Variants in ADK observed in about 807,000 individuals in gnomAD.
ADK encodes adenosine kinase.
ADK carries 24 observed loss-of-function variants against 44.7 expected under a neutral mutation model. The observed-to-expected ratio is 0.54, with a 90% confidence interval of 0.39 to 0.76. ADK has a LOEUF of 0.76. Ranked by LOEUF, ADK falls within the 30% of genes least tolerant of loss-of-function variation. ADK has a pLI of 0.00. For synonymous variants in ADK, 128 were observed against 142.6 expected, an observed-to-expected ratio of 0.90 and a Z score of 0.73; for missense variants, 321 against 425.1, an observed-to-expected ratio of 0.76 and a Z score of 2.15.
intron 2 of ADK, among the ~76,000 whole-genome samples, chr10:74,209,299 T>C (rs1490647435): frequency 2.0e-5 from 3 of 152,076 alleles, no homozygotes; most frequent in Non-Finnish European, 2.9e-5. Context: ...CAAGGTTCCA[T>C]GTTAGAAGCA....
chr10:74,257,888 G>A (rs1366935947), intron 3 of ADK, among the ~76,000 whole-genome samples: 1 of 152,178 alleles, frequency 6.6e-6, no homozygotes, highest in Admixed American at 6.5e-5. Context: ...TCATTAACAT[G>A]TAAGATAATG....
At chr10:74,655,599 A>T in intron 9 of ADK, 1 of 457,646 alleles carries the variant, frequency 2.2e-6, no homozygotes, top group African/African-American at 2.0e-5. Context: ...GTGAAACTGA[A>T]AGAGGAGCTA....
At chr10:74,222,031 A>T (rs1844331597) in intron 2 of ADK, among the ~76,000 whole-genome samples, 1 of 152,220 alleles carries the variant, frequency 6.6e-6, no homozygotes, top group African/African-American at 2.4e-5. Flanking sequence ...TAAACTAAAG[A>T]GCTTCTGCAC....
intron 6 of ADK, among the ~76,000 whole-genome samples, chr10:74,449,371 T>C (rs1320907276): frequency 1.3e-5 from 2 of 152,204 alleles, no homozygotes; most frequent in East Asian, 3.8e-4. Context: ...TAATTACATC[T>C]GAAAAATACC....
chr10:74,496,579 G>C lies in ADK; in HGVS notation c.556-28677G>C, dbSNP rs1459404491. Among the ~76,000 whole-genome samples the C allele has an allele frequency of 2.0e-5, 3 of 152,254 alleles. No individual in the cohort carries two copies. In the East Asian group the frequency reaches 5.8e-4, roughly 29 times the overall value. On this transcript the variant is annotated intron_variant, in intron 6 of 10. Coordinates refer to ENST00000539909, the MANE Select transcript of ADK (RefSeq NM_006721.4). Reference sequence around the variant, plus strand: ...TTTCTTTATAAATTACCCAGTCTCAGGTATTCCTTCACAGCAGTGTGAGAA... The same window carrying C: ...TTTCTTTATAAATTACCCAGTCTCACGTATTCCTTCACAGCAGTGTGAGAA...
chr10:74,618,957 C>A (rs1038921954), intron 9 of ADK, among the ~76,000 whole-genome samples: 4 of 150,766 alleles, frequency 2.7e-5, no homozygotes, highest in Admixed American at 6.6e-5. Flanking sequence ...ACTTGGGAAT[C>A]TAGTTATACA....
intron 4 of ADK, among the ~76,000 whole-genome samples, chr10:74,319,785 T>C (rs1840747475): frequency 6.6e-6 from 1 of 152,194 alleles, no homozygotes; most frequent in Non-Finnish European, 1.5e-5. Flanking sequence ...TGAATTACAA[T>C]GAACATTCTA....
intron 10 of ADK, among the ~76,000 whole-genome samples, chr10:74,679,787 C>T (rs1414543891): frequency 2.6e-5 from 4 of 151,410 alleles, no homozygotes; most frequent in African/African-American, 9.7e-5. Context: ...CATGATGAAA[C>T]CCTATCTCTA....
intron 1 of ADK, among the ~76,000 whole-genome samples, chr10:74,188,151 T>G (rs992457582): frequency 1.2e-4 from 18 of 152,178 alleles, no homozygotes; most frequent in African/African-American, 4.3e-4. Flanking sequence ...ATTGTTGAGT[T>G]GTTATAAAGT....
Position 74,517,764 on chromosome 10 carries a change from A to T in ADK, c.556-7492A>T, listed in dbSNP as rs376752186. On this transcript the variant is annotated intron_variant, in intron 6 of 10. Coordinates refer to ENST00000539909, the MANE Select transcript of ADK (RefSeq NM_006721.4). Reference sequence around the variant, plus strand: ...TTCCAAAAGGAACCACATAGACAGGAAGAAGATCCAAGTGAATTATTCTCT... The same window carrying T: ...TTCCAAAAGGAACCACATAGACAGGTAGAAGATCCAAGTGAATTATTCTCT... Among the ~76,000 whole-genome samples the T allele has an allele frequency of 6.6e-5, 10 of 152,148 alleles. No homozygotes were observed. The East Asian group carries it at 1.3e-3, about 21-fold the overall frequency.
intron 4 of ADK, among the ~76,000 whole-genome samples, chr10:74,370,754 CAAT>C (rs1842632864): frequency 1.3e-5 from 2 of 151,584 alleles, no homozygotes; most frequent in Non-Finnish European, 1.5e-5. Context: ...TAAAAAAATA[CAAT>C]TTAGAGATGG....
chr10:74,673,255 A>G (rs1186452768), intron 10 of ADK, among the ~76,000 whole-genome samples: 2 of 152,258 alleles, frequency 1.3e-5, no homozygotes, highest in Non-Finnish European at 2.9e-5. Flanking sequence ...AATCGATTGC[A>G]CTACAGAGAT....
At chr10:74,397,368 A>G (rs910384955) in intron 5 of ADK, among the ~76,000 whole-genome samples, 1 of 151,838 alleles carries the variant, frequency 6.6e-6, no homozygotes, top group Non-Finnish European at 1.5e-5. Context: ...TTTTTTTTGT[A>G]AGCTATAACT....
In ADK at chr10:74,708,414, G is replaced by A; in HGVS notation, c.1058G>A (p.Cys353Tyr). 6.2e-7 allele frequency: 1 copy of A among 1,612,216 alleles called. No individual in the cohort carries two copies. The highest frequency in any genetic ancestry group is 8.5e-7 in the Non-Finnish European group (1 of 1,179,428). ...AASIIIRRTG[C>Y]TFPEKPDFH ...AGCATCATAATTAGACGGACTGGCT[G>A]CACCTTTCCTGAGAAGCCAGACTTC... The change falls in exon 11 of 11, where the codon TGC (cysteine) becomes TAC (tyrosine). Residue 353 changes from cysteine (C) to tyrosine (Y), a missense_variant. Cys to Tyr is a radical substitution (Grantham distance 194). Coordinates refer to ENST00000539909, the MANE Select transcript of ADK (RefSeq NM_006721.4).
At chr10:74,398,361 AT>A (rs1843588728) in intron 5 of ADK, 109 bp from the exon 6 acceptor site, 1 of 572,276 alleles carries the variant, frequency 1.7e-6, no homozygotes, top group African/African-American at 1.9e-5. Context: ...GTTTTGAAGA[AT>A]TAATTAAAAT....
intron 9 of ADK, among the ~76,000 whole-genome samples, chr10:74,648,539 G>C (rs1471567049): frequency 6.6e-6 from 1 of 151,878 alleles, no homozygotes; most frequent in Admixed American, 6.6e-5. Context: ...TTCGCTGGGC[G>C]TGGTGGCACA....
At chr10:74,261,350 A>AT (rs912607085) in intron 3 of ADK, among the ~76,000 whole-genome samples, 4 of 151,772 alleles carry the variant, frequency 2.6e-5, no homozygotes, top group Admixed American at 2.0e-4. Flanking sequence ...AAACTCAATA[A>AT]TTTTTTTTCC....
intron 2 of ADK, among the ~76,000 whole-genome samples, chr10:74,208,797 C>T (rs752377103): frequency 2.0e-5 from 3 of 151,960 alleles, no homozygotes; most frequent in East Asian, 1.9e-4. Flanking sequence ...AGTGCAGTGG[C>T]GCAATCTCAG....
At chr10:74,474,679 G>GTGT in intron 6 of ADK, among the ~76,000 whole-genome samples, 1 of 151,432 alleles carries the variant, frequency 6.6e-6, no homozygotes, top group South Asian at 2.1e-4. Context: ...TGTGTGTGGG[G>GTGT]GTGTGTGTGT....
Sources: allele counts gnomAD v4.1 joint callset (sites outside exome capture counted in the v4.1 genomes callset), GRCh38; gene constraint gnomAD v4.1.1; transcripts MANE v1.5; gene names NCBI Gene and HGNC (gene_info 2026-07-23, HGNC 2026-07-21).